The following DLC1 variants were observed in gnomAD, a reference collection of about 807,000 sequenced individuals.
The protein encoded by DLC1 is DLC1 Rho GTPase activating protein.
A neutral mutation model predicts 140.3 loss-of-function variants in DLC1; 54 were observed. That is an observed-to-expected ratio of 0.38 (90% CI 0.31 to 0.48). The LOEUF (loss-of-function observed/expected upper bound fraction) is 0.48. Ranked by LOEUF, DLC1 falls within the 20% of genes least tolerant of loss-of-function variation. DLC1 has a pLI of 0.96. For missense variants in DLC1, 2,536 were observed against 1,907.0 expected (o/e 1.33, Z -6.14); for synonymous variants, 986 against 728.1 (o/e 1.35, Z -5.70).
chr8:13,558,795 C>G (rs139362833), intron 1 of DLC1: 1 of 152,150 alleles, frequency 6.6e-6, no homozygotes, highest in Non-Finnish European at 1.5e-5. Context: ...TCTTCTCAAT[C>G]TCTGTTCTTA....
intron 2 of DLC1, among the ~76,000 whole-genome samples, chr8:13,436,705 T>C (rs541021373): frequency 2.6e-5 from 4 of 152,350 alleles, no homozygotes; most frequent in African/African-American, 9.6e-5. Flanking sequence ...TGCCTTGTGT[T>C]TTAAGATCTG....
At chr8:13,200,553 C>A (rs1827321908) in intron 5 of DLC1, among the ~76,000 whole-genome samples, 2 of 152,060 alleles carry the variant, frequency 1.3e-5, no homozygotes, top group Non-Finnish European at 1.5e-5. Context: ...GAACTTTGTA[C>A]ACGATCACTG....
intron 4 of DLC1, among the ~76,000 whole-genome samples, chr8:13,378,784 C>A (rs937079859): frequency 6.6e-6 from 1 of 152,084 alleles, no homozygotes. Flanking sequence ...TCTAGAGATG[C>A]AGAAAAGAGC....
intron 5 of DLC1, among the ~76,000 whole-genome samples, chr8:13,196,950 G>T (rs1346057443): frequency 1.3e-5 from 2 of 152,104 alleles, no homozygotes; most frequent in African/African-American, 4.8e-5. Context: ...TTCTTGACTT[G>T]GGTCTTTCTT....
intron 4 of DLC1, among the ~76,000 whole-genome samples, chr8:13,363,479 A>G (rs1835337487): frequency 6.6e-6 from 1 of 151,992 alleles, no homozygotes; most frequent in South Asian, 2.1e-4. Flanking sequence ...CTCAGGTCAT[A>G]AAGCTGGTGA....
In DLC1 at chr8:13,418,888, A is replaced by G. The variant is rs562683394; in HGVS notation, c.1024-17269T>C. Among the ~76,000 whole-genome samples the G allele has an allele frequency of 7.2e-4, 109 of 151,966 alleles. 1 individual carries two copies. Among genetic ancestry groups the G allele is most frequent in the African/African-American group, 2.5e-3 (105 of 41,464 alleles). On this transcript the variant is annotated intron_variant, in intron 2 of 17. Transcript: ENST00000276297. ...ATTTCTTTGTATCCTCTTTTATTTCATTGAGCAGTGGTTTGTAGTTCTCCT... is the reference window on the plus strand; with the variant it reads ...ATTTCTTTGTATCCTCTTTTATTTCGTTGAGCAGTGGTTTGTAGTTCTCCT...
chr8:13,570,428 A>C (rs1397814930), intron 1 of DLC1, among the ~76,000 whole-genome samples: 1 of 139,378 alleles, frequency 7.2e-6, no homozygotes. Context: ...TATATCTCCC[A>C]ATGCTATCCC....
Position 13,499,636 on chromosome 8 carries a change from AGCCTGCTCCTTGGATCATATGTTG to A in DLC1, c.412_435del (p.Gln138_Gly145del), listed in dbSNP as rs1801694056. ...ATGATGGGCAGTGCCTTTTCTAAGG[AGCCTGCTCCTTGGATCATATGTTG>A]GCCTGATGTTTTCTGCCCTTGGGTA... On this transcript the variant is annotated inframe_deletion, in exon 2 of 18. Coordinates refer to ENST00000276297, the MANE Select transcript of DLC1 (RefSeq NM_182643.3). 1 of 1,614,044 alleles carries A rather than the reference AGCCTGCTCCTTGGATCATATGTTG, an allele frequency of 6.2e-7. No individual in the cohort carries two copies. Among genetic ancestry groups the A allele is most frequent in the Admixed American group, 1.7e-5 (1 of 60,000 alleles).
chr8:13,160,040 C>G (rs546054076), intron 5 of DLC1: 2 of 152,342 alleles, frequency 1.3e-5, no homozygotes, highest in African/African-American at 4.8e-5. Context: ...CGCCTATAAT[C>G]GCAACTACTC....
intron 7 of DLC1, among the ~76,000 whole-genome samples, chr8:13,105,127 G>A (rs1329409991): frequency 6.6e-6 from 1 of 152,152 alleles, no homozygotes; most frequent in East Asian, 1.9e-4. Flanking sequence ...GCTGGAGAGG[G>A]GTTTAGCCTC....
intron 4 of DLC1, among the ~76,000 whole-genome samples, chr8:13,376,131 C>A (rs1474110442): frequency 6.6e-6 from 1 of 152,136 alleles, no homozygotes; most frequent in East Asian, 1.9e-4. Context: ...AATGGTTTGG[C>A]CATGAGAAAC....
chr8:13,327,045 C>G (rs543873433), intron 4 of DLC1, among the ~76,000 whole-genome samples: 2 of 152,018 alleles, frequency 1.3e-5, no homozygotes, highest in South Asian at 4.2e-4. Context: ...AGCTCCGCCT[C>G]CCAGGTTCAT....
chr8:13,426,655 A>AGATT (rs1838594940), intron 2 of DLC1, among the ~76,000 whole-genome samples: 1 of 152,170 alleles, frequency 6.6e-6, no homozygotes, highest in Non-Finnish European at 1.5e-5. Flanking sequence ...ATTGAGACTT[A>AGATT]GTAGGGGCAA....
intron 5 of DLC1, among the ~76,000 whole-genome samples, chr8:13,160,865 C>A (rs901258206): frequency 5.3e-5 from 8 of 152,158 alleles, no homozygotes; most frequent in African/African-American, 1.9e-4. Flanking sequence ...GCGGGAGGAT[C>A]ACGAGGTCTC....
chr8:13,343,555 G>C (rs1317325249), intron 4 of DLC1, among the ~76,000 whole-genome samples: 1 of 152,172 alleles, frequency 6.6e-6, no homozygotes, highest in East Asian at 1.9e-4. Flanking sequence ...AATCTTATAT[G>C]ATTTTTAAAC....
intron 4 of DLC1, among the ~76,000 whole-genome samples, chr8:13,327,837 C>G (rs1563256777): frequency 6.6e-6 from 1 of 152,178 alleles, no homozygotes; most frequent in Non-Finnish European, 1.5e-5. Context: ...TAATTAAACA[C>G]TGTGGAGAGT....
chr8:13,136,542 C>G (rs1822570353), intron 5 of DLC1, among the ~76,000 whole-genome samples: 1 of 152,190 alleles, frequency 6.6e-6, no homozygotes, highest in Non-Finnish European at 1.5e-5. Context: ...TCATCTCGCC[C>G]TGTTGCCGAG....
chr8:13,393,661 A>G lies in DLC1; in HGVS notation c.1206T>C (p.Asp402=), dbSNP rs373786704. ...DLESGSESGA[D]TISVNQTRVN... ...CTCGTGTCTGATTTACTGAAATGGTATCTGCTCCACTTTCAGATCCTGATT... is the reference window on the plus strand; with the variant it reads ...CTCGTGTCTGATTTACTGAAATGGTGTCTGCTCCACTTTCAGATCCTGATT... The change falls in exon 4 of 18, where the codon GAT becomes GAC. Residue 402 remains aspartate, a synonymous_variant. Coordinates refer to ENST00000276297, the MANE Select transcript of DLC1 (RefSeq NM_182643.3). The G allele has an allele frequency of 5.2e-5, 84 of 1,614,096 alleles. No homozygotes were observed. In the Middle Eastern group the frequency reaches 6.6e-4, roughly 13 times the overall value.
intron 1 of DLC1, among the ~76,000 whole-genome samples, chr8:13,581,242 A>G (rs998064946): frequency 2.6e-5 from 4 of 152,150 alleles, no homozygotes; most frequent in African/African-American, 7.2e-5. Context: ...TTAAATTTCC[A>G]TTTGTTCAAT....
Sources: gnomAD v4.1 joint callset for allele counts (sites outside exome capture counted in the v4.1 genomes callset) on GRCh38, gnomAD v4.1.1 for gene constraint, MANE v1.5 for transcripts, NCBI Gene and HGNC (gene_info 2026-07-23, HGNC 2026-07-21) for gene names.